SPIN1: variants seen among roughly 807,000 people sequenced by gnomAD.
SPIN1 encodes spindlin-1.
Under a neutral mutation model 26.0 loss-of-function variants are expected in SPIN1, and 3 were observed. The ratio of observed to expected loss-of-function variants is 0.12; its 90% CI spans 0.05 to 0.30. The LOEUF (loss-of-function observed/expected upper bound fraction) is 0.30, where lower values mean the gene tolerates loss of function less well. Among genes scored for constraint, SPIN1 ranks in the 10% least tolerant of loss-of-function variants. The pLI is 1.00. For missense variants in SPIN1, 126 were observed against 333.4 expected, an observed-to-expected ratio of 0.38 and a Z score of 4.84; for synonymous variants, 101 against 116.5, an observed-to-expected ratio of 0.87 and a Z score of 0.86.
At chr9:88,461,690 T>G (rs1316120418) in intron 3 of SPIN1, among the ~76,000 whole-genome samples, 2 of 152,226 alleles carry the variant, frequency 1.3e-5, no homozygotes, top group African/African-American at 2.4e-5. Context: ...CAGCATCTGT[T>G]ATCTTGGTTT....
intron 1 of SPIN1, among the ~76,000 whole-genome samples, chr9:88,405,524 G>T (rs1464962493): frequency 6.9e-6 from 1 of 145,350 alleles, no homozygotes; most frequent in East Asian, 2.0e-4. Context: ...ACAGTGCCTG[G>T]CCTGTACTAT....
At chr9:88,467,183 G>C (rs1828686241) in intron 4 of SPIN1, among the ~76,000 whole-genome samples, 1 of 152,142 alleles carries the variant, frequency 6.6e-6, no homozygotes. Context: ...AGATGAAGGT[G>C]ATAATTTTCA....
intron 1 of SPIN1, among the ~76,000 whole-genome samples, chr9:88,390,220 TC>T (rs1331376244): frequency 6.6e-6 from 1 of 152,204 alleles, no homozygotes; most frequent in African/African-American, 2.4e-5. Flanking sequence ...AAATGGATGT[TC>T]CCTGGAACAG....
chr9:88,390,347 C>T (rs912951340), intron 1 of SPIN1, among the ~76,000 whole-genome samples: 3 of 152,090 alleles, frequency 2.0e-5, no homozygotes, highest in Non-Finnish European at 2.9e-5. Flanking sequence ...GATGTGTGCC[C>T]CTCTGCATTT....
chr9:88,421,058 T>C (rs1359645529), intron 1 of SPIN1, among the ~76,000 whole-genome samples: 1 of 152,204 alleles, frequency 6.6e-6, no homozygotes, highest in Non-Finnish European at 1.5e-5. Flanking sequence ...TATTGTAATT[T>C]TGTCTTTTGA....
At chr9:88,444,729 C>T (rs556190315) in intron 2 of SPIN1, among the ~76,000 whole-genome samples, 1,665 of 133,322 alleles carry the variant, frequency 0.012, 19 homozygotes, top group Middle Eastern at 0.02. Context: ...CTTGCTCTGT[C>T]GCCCAGGCTG....
chr9:88,402,277 A>G (rs867145131), intron 1 of SPIN1, among the ~76,000 whole-genome samples: 37 of 152,212 alleles, frequency 2.4e-4, no homozygotes, highest in African/African-American at 8.2e-4. Flanking sequence ...GCAGGTGTGA[A>G]CTACTGCGCC....
Position 88,413,065 on chromosome 9 carries a change from GTT to G in SPIN1, c.-158-13299_-158-13298del, listed in dbSNP as rs148350918. ...TTGTTTTTTAAGATATTAAAATTAAGTTTTTTTTTTTTTTTTTTTGAGATGGA... is the reference window on the plus strand; with the variant it reads ...TTGTTTTTTAAGATATTAAAATTAAGTTTTTTTTTTTTTTTTTGAGATGGA... On this transcript the variant is annotated intron_variant, in intron 1 of 5. Transcript: ENST00000375859. 7.8e-3 allele frequency among the ~76,000 whole-genome samples: 997 copies of G among 128,008 alleles called. 10 individuals are homozygous for G. The highest frequency in any genetic ancestry group is 0.028 in the African/African-American group (921 of 32,490). 84.0% of individuals were successfully genotyped at this position (128,008 alleles called of 152,430 possible).
At chr9:88,409,789 G>C (rs1331184653) in intron 1 of SPIN1, among the ~76,000 whole-genome samples, 1 of 151,122 alleles carries the variant, frequency 6.6e-6, no homozygotes, top group East Asian at 2.0e-4. Flanking sequence ...AGTGAGCTGA[G>C]ATCGCGCCAC....
intron 3 of SPIN1, among the ~76,000 whole-genome samples, chr9:88,456,958 T>C (rs1194213831): frequency 2.0e-5 from 3 of 152,128 alleles, no homozygotes; most frequent in African/African-American, 7.2e-5. Context: ...ATTAAAAATA[T>C]TATGCAAGAT....
intron 2 of SPIN1, among the ~76,000 whole-genome samples, chr9:88,427,455 G>A (rs1208325097): frequency 6.6e-6 from 1 of 151,894 alleles, no homozygotes; most frequent in African/African-American, 2.4e-5. Context: ...GATTAATTTG[G>A]GTTGGTGATG....
At chr9:88,420,612 A>G (rs887231274) in intron 1 of SPIN1, among the ~76,000 whole-genome samples, 1 of 152,328 alleles carries the variant, frequency 6.6e-6, no homozygotes, top group South Asian at 2.1e-4. Flanking sequence ...TCCTTTTCCA[A>G]TTTAAAAGAG....
At chr9:88,450,419 C>T (rs1262596275) in intron 3 of SPIN1, among the ~76,000 whole-genome samples, 1 of 152,190 alleles carries the variant, frequency 6.6e-6, no homozygotes, top group Non-Finnish European at 1.5e-5. Context: ...ATTTTCTAAT[C>T]ATCTATGATT....
chr9:88,434,417 A>G (rs1332344407), intron 2 of SPIN1, among the ~76,000 whole-genome samples: 1 of 131,178 alleles, frequency 7.6e-6, no homozygotes, highest in Admixed American at 7.1e-5. Context: ...TCATTTTATA[A>G]ATTAGTTTAT....
chr9:88,444,841 C>T (rs1361843690), intron 2 of SPIN1, among the ~76,000 whole-genome samples: 1 of 152,072 alleles, frequency 6.6e-6, no homozygotes, highest in South Asian at 2.1e-4. Flanking sequence ...CAGGTGACCA[C>T]CAGCACGCCC....
In SPIN1 at chr9:88,408,135, G is replaced by A. The variant is rs540331921; in HGVS notation, c.-158-18247G>A. Among the ~76,000 whole-genome samples, 75 of 151,662 alleles carry A rather than the reference G, an allele frequency of 4.9e-4. 1 individual carries two copies. Among genetic ancestry groups the A allele is most frequent in the Middle Eastern group, 3.4e-3 (1 of 294 alleles). ...CTTTAGTTTTCAACAGTTTTACTGT[G>A]ATGTGTTTGGTTATATATTTCTTTA... On this transcript the variant is annotated intron_variant, in intron 1 of 5. Coordinates refer to ENST00000375859, the MANE Select transcript of SPIN1 (RefSeq NM_006717.3).
At chr9:88,423,797 ACT>A in intron 1 of SPIN1, among the ~76,000 whole-genome samples, 1 of 127,848 alleles carries the variant, frequency 7.8e-6, no homozygotes, top group African/African-American at 3.0e-5. Context: ...ATGGGGTCTC[ACT>A]CTGTCATCCA....
chr9:88,446,608 A>G (rs1810466072), intron 2 of SPIN1, among the ~76,000 whole-genome samples: 1 of 151,962 alleles, frequency 6.6e-6, no homozygotes, highest in African/African-American at 2.4e-5. Flanking sequence ...GGGTTTCACC[A>G]TGTTAGCCAG....
intron 2 of SPIN1, among the ~76,000 whole-genome samples, chr9:88,434,522 A>G (rs936286555): frequency 6.6e-6 from 1 of 151,956 alleles, no homozygotes; most frequent in African/African-American, 2.4e-5. Flanking sequence ...GATGGGTGAT[A>G]TAACTCCCCA....
Sources: gnomAD v4.1 joint callset for allele counts (sites outside exome capture counted in the v4.1 genomes callset) on GRCh38, gnomAD v4.1.1 for gene constraint, MANE v1.5 for transcripts, NCBI Gene and HGNC (gene_info 2026-07-23, HGNC 2026-07-21) for gene names.